Variants in TLR2 observed in about 807,000 individuals in gnomAD.
TLR2 encodes toll like receptor 2, also known as toll-like receptor 2.
In TLR2, 7 loss-of-function variants were observed where a neutral mutation model predicts 9.1. The observed-to-expected ratio is 0.77, with a 90% CI of 0.44 to 1.44. TLR2 has a LOEUF of 1.44. Among genes scored for constraint, TLR2 ranks in the 40% most tolerant of loss-of-function variants. The pLI, the probability that TLR2 is intolerant of heterozygous loss-of-function variation, is 0.01. For synonymous variants in TLR2, 317 were observed against 344.6 expected (o/e 0.92, Z 0.89); for missense variants, 812 against 904.6 (o/e 0.90, Z 1.31).
chr4:153,686,941 G>A (rs1735748844), intron 1 of TLR2, among the ~76,000 whole-genome samples: 1 of 152,078 alleles, frequency 6.6e-6, no homozygotes. Context: ...CTGGCTCATA[G>A]AGTAAATTGC....
intron 2 of TLR2, among the ~76,000 whole-genome samples, chr4:153,691,777 A>C (rs1736136012): frequency 6.6e-6 from 1 of 152,206 alleles, no homozygotes; most frequent in African/African-American, 2.4e-5. Flanking sequence ...TAATGTTTTC[A>C]ATTGATCCCT....
rs776094378 is a variant in TLR2, at chr4:153,704,237, T to C, written c.1330T>C (p.Ser444Pro). 5.6e-6 allele frequency: 9 copies of C among 1,614,092 alleles called. No homozygotes were observed. In the South Asian group the frequency reaches 6.6e-5, roughly 12 times the overall value. The change falls in exon 3 of 3, where the codon TCC (serine) becomes CCC (proline). Residue 444 changes from serine to proline, a missense_variant. By Grantham distance (74) the Ser-to-Pro change is moderately conservative. Transcript: ENST00000642700. Reference protein sequence around the residue: ...WPEKMKYLNLSSTRIHSVTGC... With the variant: ...WPEKMKYLNLPSTRIHSVTGC... ...AGAAAAGATGAAATATTTGAACTTA[T>C]CCAGCACACGAATACACAGTGTAAC...
intron 2 of TLR2, among the ~76,000 whole-genome samples, chr4:153,691,201 A>G (rs537130973): frequency 1.3e-5 from 2 of 151,480 alleles, no homozygotes; most frequent in African/African-American, 4.8e-5. Flanking sequence ...AAATTTAGTT[A>G]TTTTGGGGAG....
At chr4:153,700,213 T>A (rs1185283507) in intron 2 of TLR2, among the ~76,000 whole-genome samples, 1 of 152,210 alleles carries the variant, frequency 6.6e-6, no homozygotes, top group Non-Finnish European at 1.5e-5. Flanking sequence ...TATACCTTCA[T>A]GACCCAAACG....
downstream of TLR2, among the ~76,000 whole-genome samples, chr4:153,709,457 C>T (rs921813056): frequency 6.6e-6 from 1 of 152,190 alleles, no homozygotes; most frequent in Non-Finnish European, 1.5e-5. Context: ...TTCTTTCTGA[C>T]TGGTCTTCTC....
chr4:153,688,994 T>G (rs1735914811), intron 2 of TLR2, among the ~76,000 whole-genome samples: 1 of 152,236 alleles, frequency 6.6e-6, no homozygotes, highest in Non-Finnish European at 1.5e-5. Context: ...CAACACAGAT[T>G]AAAAGCACAA....
intron 2 of TLR2, among the ~76,000 whole-genome samples, chr4:153,694,655 A>G (rs1303285553): frequency 2.0e-5 from 3 of 152,238 alleles, no homozygotes; most frequent in African/African-American, 7.2e-5. Context: ...CCATTACCTC[A>G]AGCATTTATC....
At chr4:153,708,759 CG>C (rs1453730365), downstream of TLR2, among the ~76,000 whole-genome samples, 2 of 152,010 alleles carry the variant, frequency 1.3e-5, no homozygotes, top group Non-Finnish European at 2.9e-5. Flanking sequence ...GATATGAACA[CG>C]GGGGGATCCA....
At chr4:153,707,430 G>A (rs1355566619), downstream of TLR2, among the ~76,000 whole-genome samples, 2 of 152,098 alleles carry the variant, frequency 1.3e-5, no homozygotes, top group African/African-American at 4.8e-5. Flanking sequence ...TGTGCCTCTG[G>A]TCCTAGCTAC....
Position 153,703,008 on chromosome 4 carries a change from G to A in TLR2, c.101G>A (p.Gly34Asp), listed in dbSNP as rs777748174. Residue 34 changes from glycine (G) to aspartate (D), a missense_variant, in exon 3 of 3, where the codon GGT (glycine) becomes GAT (aspartate). Physicochemically the swap from Gly to Asp is moderately conservative, Grantham distance 94. Coordinates refer to ENST00000642700, the MANE Select transcript of TLR2 (RefSeq NM_001318789.2). ...NQASLSCDRN[G>D]ICKGSSGSLN... ...GCTTCTCTGTCTTGTGACCGCAATG[G>A]TATCTGCAAGGGCAGCTCAGGATCT... The A allele has an allele frequency of 7.4e-6, 12 of 1,613,834 alleles. No homozygotes were observed. Among genetic ancestry groups the A allele is most frequent in the South Asian group, 2.2e-5 (2 of 91,072 alleles).
chr4:153,691,836 C>T (rs996504666), intron 2 of TLR2, among the ~76,000 whole-genome samples: 1 of 152,044 alleles, frequency 6.6e-6, no homozygotes, highest in Non-Finnish European at 1.5e-5. Flanking sequence ...TTACTAAGGT[C>T]CCCAAGTAGG....
Position 153,703,905 on chromosome 4 carries a change from C to T in TLR2, c.998C>T (p.Ser333Leu), listed in dbSNP as rs370305772. 2 of 1,613,578 alleles carry T rather than the reference C, an allele frequency of 1.2e-6. No individual in the cohort carries two copies. The highest frequency in any genetic ancestry group is 1.7e-6 in the Non-Finnish European group (2 of 1,179,932). ...YLFYDLSTLY[S>L]LTERVKRITV... ...TTTTATGATCTGAGCACTTTATATT[C>T]ACTTACAGAAAGAGTTAAAAGAATC... Residue 333 changes from serine (S) to leucine (L), a missense_variant, in exon 3 of 3, where the codon TCA becomes TTA. Transcript: ENST00000642700.
chr4:153,707,257 C>T (rs115441613), downstream of TLR2, among the ~76,000 whole-genome samples: 2,067 of 152,120 alleles, frequency 0.014, 54 homozygotes, highest in African/African-American at 0.046. Context: ...ATGGAGGAAA[C>T]GGTAGCCAGC....
rs566390830 is a variant in TLR2, at chr4:153,689,413, C to T, written c.-17+1366C>T. On this transcript the variant is annotated intron_variant, in intron 2 of 2. Coordinates refer to ENST00000642700, the MANE Select transcript of TLR2 (RefSeq NM_001318789.2). Reference sequence around the variant, plus strand: ...AGCTAAACATAGTGTGGCCATGGCACGCAGACTGAGAGGTGCAATTTAAGC... The same window carrying T: ...AGCTAAACATAGTGTGGCCATGGCATGCAGACTGAGAGGTGCAATTTAAGC... Among the ~76,000 whole-genome samples, 47 of 152,334 alleles carry T rather than the reference C, an allele frequency of 3.1e-4. 1 individual carries two copies. The South Asian group carries it at 7.2e-3, about 23-fold the overall frequency.
chr4:153,686,302 T>G (rs916177946), intron 1 of TLR2, among the ~76,000 whole-genome samples: 6 of 152,188 alleles, frequency 3.9e-5, no homozygotes, highest in Non-Finnish European at 7.3e-5. Context: ...ATACATGAGC[T>G]TTGGGGCACA....
Position 153,704,968 on chromosome 4 carries a change from C to T in TLR2, c.2061C>T (p.Asp687=). ...RDFIPGKWII[D]NIIDSIEKSH... is the part of the protein sequence containing the mutation. ...TCATTCCTGGCAAGTGGATCATTGA[C>T]AATATCATTGACTCCATTGAAAAGA... Residue 687 remains aspartate, a synonymous_variant, in exon 3 of 3, where the codon GAC becomes GAT. Coordinates refer to ENST00000642700, the MANE Select transcript of TLR2 (RefSeq NM_001318789.2). 6.2e-7 allele frequency: 1 copy of T among 1,613,018 alleles called. No individual in the cohort carries two copies. Among genetic ancestry groups the T allele is most frequent in the Non-Finnish European group, 8.5e-7 (1 of 1,180,032 alleles).
At chr4:153,687,466 C>A (rs532619143) in intron 1 of TLR2, among the ~76,000 whole-genome samples, 2 of 152,240 alleles carry the variant, frequency 1.3e-5, no homozygotes, top group East Asian at 3.9e-4. Flanking sequence ...AAATTGAGGA[C>A]CTCTCTTTTG....
chr4:153,692,706 T>C (rs555515760), intron 2 of TLR2, among the ~76,000 whole-genome samples: 1 of 152,344 alleles, frequency 6.6e-6, no homozygotes, highest in African/African-American at 2.4e-5. Flanking sequence ...CCCATTGTTG[T>C]AATAAATCTC....
intron 2 of TLR2, among the ~76,000 whole-genome samples, chr4:153,690,310 G>A (rs1039226236): frequency 6.6e-6 from 1 of 152,194 alleles, no homozygotes; most frequent in African/African-American, 2.4e-5. Flanking sequence ...TGCAACTGCT[G>A]TTTCAGGGAG....
Sources: allele counts gnomAD v4.1 joint callset (sites outside exome capture counted in the v4.1 genomes callset), GRCh38; gene constraint gnomAD v4.1.1; transcripts MANE v1.5; gene names NCBI Gene and HGNC (gene_info 2026-07-23, HGNC 2026-07-21).